Variants in CADM2 observed in about 807,000 individuals in gnomAD.
CADM2 encodes immunoglobulin superfamily member 4D.
Under a neutral mutation model 49.8 loss-of-function variants are expected in CADM2, and 12 were observed. The ratio of observed to expected loss-of-function variants is 0.24; its 90% confidence interval spans 0.15 to 0.39. The LOEUF is 0.39. Ranked by LOEUF, CADM2 falls within the 10% of genes least tolerant of loss-of-function variation. The pLI, the probability that CADM2 is intolerant of heterozygous loss-of-function variation, is 1.00. For missense variants in CADM2, 378 were observed against 492.3 expected, an observed-to-expected ratio of 0.77 and a Z score of 2.20; for synonymous variants, 214 against 175.4, an observed-to-expected ratio of 1.22 and a Z score of -1.74.
chr3:85,112,454 C>T (rs1475892521), intron 1 of CADM2, among the ~76,000 whole-genome samples: 3 of 151,418 alleles, frequency 2.0e-5, no homozygotes, highest in Non-Finnish European at 4.4e-5. Flanking sequence ...TAAAGATTCC[C>T]CAGCATTTCA....
At chr3:86,024,657 A>G (rs1390448582) in intron 8 of CADM2, among the ~76,000 whole-genome samples, 1 of 152,168 alleles carries the variant, frequency 6.6e-6, no homozygotes, top group African/African-American at 2.4e-5. Flanking sequence ...TGGCTTTACC[A>G]GATACCAGCA....
At chr3:85,880,010 C>T (rs139949690) in intron 3 of CADM2, among the ~76,000 whole-genome samples, 3 of 152,300 alleles carry the variant, frequency 2.0e-5, no homozygotes, top group South Asian at 4.1e-4. Context: ...TACTCTCCAT[C>T]GCCCCTGCCA....
intron 3 of CADM2, among the ~76,000 whole-genome samples, chr3:85,855,617 A>ATATATATATATATATATATATATATAT (rs374763892): frequency 2.3e-5 from 1 of 42,598 alleles, no homozygotes; most frequent in Non-Finnish European, 4.7e-5. Context: ...ATATATATAT[A>ATATATATATATATATATATATATATAT]AAACATATAT....
chr3:86,010,270 T>C (rs1220816393), intron 8 of CADM2, among the ~76,000 whole-genome samples: 1 of 151,992 alleles, frequency 6.6e-6, no homozygotes, highest in Non-Finnish European at 1.5e-5. Context: ...TAGATGTACA[T>C]ACAATTCTGC....
chr3:85,372,688 C>T (rs1175775527), intron 1 of CADM2, among the ~76,000 whole-genome samples: 1 of 151,862 alleles, frequency 6.6e-6, no homozygotes, highest in Non-Finnish European at 1.5e-5. Flanking sequence ...AAAAAATACC[C>T]AAGACTGGGT....
chr3:85,077,047 C>T (rs929486272), intron 1 of CADM2, among the ~76,000 whole-genome samples: 2 of 152,092 alleles, frequency 1.3e-5, no homozygotes, highest in African/African-American at 4.8e-5. Flanking sequence ...ACTGAGAACG[C>T]CTTAATCAAA....
At chr3:85,375,220 A>G (rs1457253691) in intron 1 of CADM2, among the ~76,000 whole-genome samples, 3 of 152,156 alleles carry the variant, frequency 2.0e-5, no homozygotes, top group Non-Finnish European at 4.4e-5. Context: ...CAAGTTCGAG[A>G]AGTGGAATAC....
intron 1 of CADM2, among the ~76,000 whole-genome samples, chr3:85,555,978 G>A (rs2061947578): frequency 6.6e-6 from 1 of 151,976 alleles, no homozygotes; most frequent in South Asian, 2.1e-4. Context: ...ACATATATAT[G>A]ATTTTATTTT....
chr3:85,707,880 A>C (rs554984604), intron 1 of CADM2, among the ~76,000 whole-genome samples: 2 of 152,292 alleles, frequency 1.3e-5, no homozygotes, highest in East Asian at 3.9e-4. Flanking sequence ...ACTTCCCACC[A>C]TGTGGAATAT....
intron 1 of CADM2, among the ~76,000 whole-genome samples, chr3:85,154,765 A>G (rs1559692995): frequency 6.9e-6 from 1 of 145,744 alleles, no homozygotes; most frequent in Non-Finnish European, 1.5e-5. Flanking sequence ...ACAAGCCAGA[A>G]GAGAGTGGGG....
chr3:85,421,764 G>A (rs570271343), intron 1 of CADM2, among the ~76,000 whole-genome samples: 1 of 152,168 alleles, frequency 6.6e-6, no homozygotes, highest in African/African-American at 2.4e-5. Flanking sequence ...TTTTGTATAG[G>A]TTAATTTGAA....
intron 8 of CADM2, chr3:86,012,450 C>G (rs1373718537): frequency 2.1e-5 from 11 of 517,430 alleles, no homozygotes; most frequent in Non-Finnish European, 3.5e-5. Context: ...GCCCGCGCGC[C>G]GGCCCTGCAG....
At chr3:85,499,748 T>C (rs1208343679) in intron 1 of CADM2, among the ~76,000 whole-genome samples, 1 of 152,108 alleles carries the variant, frequency 6.6e-6, no homozygotes, top group Non-Finnish European at 1.5e-5. Flanking sequence ...GGGACATTAT[T>C]GATGGAGCAA....
chr3:86,063,468 C>A lies in CADM2; in HGVS notation c.971-2137C>A, dbSNP rs548423740. ...TGAAGAACCTGGATTCTCCTCTATT[C>A]ATTCTTTTTTGCTTTCCCAAATTCT... On this transcript the variant is annotated intron_variant, in intron 8 of 9. Coordinates refer to ENST00000383699, the MANE Select transcript of CADM2 (RefSeq NM_001167675.2). 1.6e-3 allele frequency among the ~76,000 whole-genome samples: 248 copies of A among 152,262 alleles called. 2 individuals are homozygous for A. Among genetic ancestry groups the A allele is most frequent in the African/African-American group, 5.9e-3 (245 of 41,568 alleles).
intron 1 of CADM2, among the ~76,000 whole-genome samples, chr3:85,009,479 A>C (rs2033884626): frequency 6.6e-6 from 1 of 152,184 alleles, no homozygotes; most frequent in Non-Finnish European, 1.5e-5. Flanking sequence ...GAAAGAATGG[A>C]CCAAATTACA....
At position 85,597,283 on chromosome 3, in the gene CADM2, A is replaced by G. The variant is rs186941520; in HGVS notation, c.62-129239A>G. 2.6e-4 allele frequency among the ~76,000 whole-genome samples: 39 copies of G among 152,228 alleles called. 1 individual carries two copies. The East Asian group carries it at 7.6e-3, about 30-fold the overall frequency. Reference sequence around the variant, plus strand: ...CTATATGGTACTTTGAAGTTTAGATACAATCTTAAATTCATCTAAGTCTTC... The same window carrying G: ...CTATATGGTACTTTGAAGTTTAGATGCAATCTTAAATTCATCTAAGTCTTC... On this transcript the variant is annotated intron_variant, in intron 1 of 9. Transcript: ENST00000383699.
intron 1 of CADM2, among the ~76,000 whole-genome samples, chr3:85,054,773 A>G (rs112432972): frequency 2.4e-3 from 359 of 152,062 alleles, no homozygotes; most frequent in Non-Finnish European, 4.5e-3. Flanking sequence ...AGGACGTGCA[A>G]GTACTCTGGA....
At chr3:85,348,050 T>A (rs1362881590) in intron 1 of CADM2, among the ~76,000 whole-genome samples, 1 of 152,084 alleles carries the variant, frequency 6.6e-6, no homozygotes, top group Non-Finnish European at 1.5e-5. Flanking sequence ...CCTCAATTGA[T>A]CTGCCTATTT....
intron 1 of CADM2, among the ~76,000 whole-genome samples, chr3:85,326,373 AT>A (rs1168698630): frequency 6.6e-6 from 1 of 152,194 alleles, no homozygotes; most frequent in Non-Finnish European, 1.5e-5. Context: ...AACAGCAGGT[AT>A]TCATAAAAGT....
Sources: allele counts gnomAD v4.1 joint callset (sites outside exome capture counted in the v4.1 genomes callset), GRCh38; gene constraint gnomAD v4.1.1; transcripts MANE v1.5; gene names NCBI Gene and HGNC (gene_info 2026-07-23, HGNC 2026-07-21).